Variants in BCAS3 observed in about 807,000 individuals in gnomAD.
BCAS3 encodes BCAS3 microtubule associated cell migration factor.
BCAS3 carries 53 observed loss-of-function variants against 116.1 expected under a neutral mutation model. That is an observed-to-expected ratio of 0.46 (90% confidence interval 0.37 to 0.57). The LOEUF (loss-of-function observed/expected upper bound fraction) is 0.57, where lower values mean the gene tolerates loss of function less well. Ranked by LOEUF, BCAS3 falls within the 20% of genes least tolerant of loss-of-function variation. The probability of loss-of-function intolerance (pLI) is 0.00; values close to 1 mark genes in which losing one functional copy is unlikely to be tolerated. For missense variants in BCAS3, 917 were observed against 1,165.4 expected, an observed-to-expected ratio of 0.79 and a Z score of 3.10; for synonymous variants, 391 against 408.2, an observed-to-expected ratio of 0.96 and a Z score of 0.51.
chr17:61,049,725 CTTTTCTTTTT>C (rs1416820005), intron 19 of BCAS3, among the ~76,000 whole-genome samples: 3 of 139,468 alleles, frequency 2.2e-5, no homozygotes, highest in Non-Finnish European at 3.1e-5. Context: ...CTTTTCTTTT[CTTTTCTTTTT>C]TTTTTTTTTT....
intron 22 of BCAS3, among the ~76,000 whole-genome samples, chr17:61,345,558 C>T (rs764165282): frequency 2.6e-5 from 4 of 152,032 alleles, no homozygotes; most frequent in African/African-American, 4.8e-5. Context: ...GAGCAGGGAG[C>T]GCCTAGCTGT....
At chr17:61,148,580 A>G (rs1177797159) in intron 22 of BCAS3, among the ~76,000 whole-genome samples, 1 of 152,106 alleles carries the variant, frequency 6.6e-6, no homozygotes. Flanking sequence ...ATTTTTATGG[A>G]TATTTCCTGA....
chr17:60,686,537 T>C (rs1034264928), intron 3 of BCAS3, among the ~76,000 whole-genome samples: 2 of 152,122 alleles, frequency 1.3e-5, no homozygotes, highest in East Asian at 1.9e-4. Flanking sequence ...TTAATTTTTT[T>C]TTTTTGAGAT....
chr17:61,234,589 G>A (rs997918671), intron 22 of BCAS3, among the ~76,000 whole-genome samples: 21 of 152,020 alleles, frequency 1.4e-4, no homozygotes, highest in African/African-American at 5.1e-4. Context: ...AGCAATTCAG[G>A]AGCTGCTAGA....
At position 60,827,347 on chromosome 17, in the gene BCAS3, T is replaced by C. The variant is rs566503474; in HGVS notation, c.476+19271T>C. 2.4e-4 allele frequency among the ~76,000 whole-genome samples: 36 copies of C among 152,344 alleles called. No individual in the cohort carries two copies. The South Asian group carries it at 7.5e-3, about 32-fold the overall frequency. ...CCAGGAATTTCTTTTCATTTATATT[T>C]ATATACTTTCTTTGAGTGGGAGTTT... On this transcript the variant is annotated intron_variant, in intron 7 of 23. Transcript: ENST00000407086.
At chr17:60,874,603 C>T (rs1223650641) in intron 8 of BCAS3, 59 bp from the exon 9 acceptor site, 3 of 1,232,136 alleles carry the variant, frequency 2.4e-6, no homozygotes, top group Non-Finnish European at 3.5e-6. Flanking sequence ...TCTGATTCCA[C>T]TTACAGAATT....
In BCAS3 at chr17:61,206,054, C is replaced by T. The variant is rs930261853; in HGVS notation, c.2425+121490C>T. ...ACTCCTCACTTCTGGTTTTCTTTTA[C>T]GTCTGTAGGTTTTTTTCATTTATAT... On this transcript the variant is annotated intron_variant, in intron 22 of 23. Transcript: ENST00000407086. Among the ~76,000 whole-genome samples the T allele has an allele frequency of 5.9e-5, 9 of 152,142 alleles. 1 individual carries two copies. In the South Asian group the frequency reaches 1.0e-3, roughly 17 times the overall value.
intron 22 of BCAS3, among the ~76,000 whole-genome samples, chr17:61,099,055 C>T (rs755294841): frequency 3.3e-5 from 5 of 151,986 alleles, no homozygotes; most frequent in Admixed American, 2.0e-4. Flanking sequence ...ACCTGGGAGG[C>T]GGAGCTCACA....
At chr17:61,264,479 G>T (rs1263980855) in intron 22 of BCAS3, among the ~76,000 whole-genome samples, 1 of 151,300 alleles carries the variant, frequency 6.6e-6, no homozygotes, top group Non-Finnish European at 1.5e-5. Context: ...CATGATATTG[G>T]CTAACTGCAA....
intron 22 of BCAS3, among the ~76,000 whole-genome samples, chr17:61,240,029 C>T (rs2047371174): frequency 6.6e-6 from 1 of 152,158 alleles, no homozygotes; most frequent in Non-Finnish European, 1.5e-5. Context: ...TGGGCATTTA[C>T]ATTCTCCTGG....
chr17:61,160,138 A>C (rs2159373), intron 22 of BCAS3, among the ~76,000 whole-genome samples: 1 of 150,898 alleles, frequency 6.6e-6, no homozygotes. Flanking sequence ...CTACAAGGAA[A>C]TGCCATTCAC....
chr17:61,279,745 T>TCCCTC lies in BCAS3; in HGVS notation c.2426-88582_2426-88581insCCCTC, dbSNP rs2051075746. ...GGGCTAAGCCACTGGGCCTCCATGG[T>TCCCTC]GAGGTGGCACTGGTCCCTCTGCTTG... is the stretch of plus-strand genomic sequence containing the variant. On this transcript the variant is annotated intron_variant, in intron 22 of 23. Transcript: ENST00000407086. This position sits in a 1 kb window ranked among gnomAD's most constrained non-coding sequence, Gnocchi z 4.4. Among the ~76,000 whole-genome samples the TCCCTC allele has an allele frequency of 6.6e-6, 1 of 150,550 alleles. No individual in the cohort carries two copies. The highest frequency in any genetic ancestry group is 1.5e-5 in the Non-Finnish European group (1 of 67,762).
intron 22 of BCAS3, among the ~76,000 whole-genome samples, chr17:61,129,420 C>A (rs2076215019): frequency 6.6e-6 from 1 of 152,194 alleles, no homozygotes; most frequent in African/African-American, 2.4e-5. Flanking sequence ...GAAGAGCTGT[C>A]TTCTAAGGAA....
intron 12 of BCAS3, among the ~76,000 whole-genome samples, chr17:60,916,062 G>C (rs772629375): frequency 1.1e-4 from 16 of 152,144 alleles, no homozygotes; most frequent in Non-Finnish European, 2.2e-4. Flanking sequence ...CCCCTTGAAG[G>C]ACATTTGCAC....
At chr17:60,840,921 A>ACTCTCCCTATT in intron 7 of BCAS3, among the ~76,000 whole-genome samples, 1 of 151,746 alleles carries the variant, frequency 6.6e-6, no homozygotes, top group South Asian at 2.1e-4. Context: ...CATTTCAAAA[A>ACTCTCCCTATT]CTCTCCCTAT....
intron 6 of BCAS3, among the ~76,000 whole-genome samples, chr17:60,788,560 G>A (rs1423452073): frequency 6.6e-6 from 1 of 152,160 alleles, no homozygotes; most frequent in African/African-American, 2.4e-5. Flanking sequence ...AGATATTTGA[G>A]GGAAATGGCA....
At chr17:60,737,621 A>G (rs1298990839) in intron 5 of BCAS3, among the ~76,000 whole-genome samples, 1 of 152,046 alleles carries the variant, frequency 6.6e-6, no homozygotes, top group Admixed American at 6.5e-5. Flanking sequence ...AAACATGTTT[A>G]AACATTTCTC....
intron 22 of BCAS3, among the ~76,000 whole-genome samples, chr17:61,152,765 C>T (rs1387217954): frequency 2.0e-5 from 3 of 151,912 alleles, no homozygotes; most frequent in East Asian, 1.9e-4. Context: ...ATTCTCCTTC[C>T]TCAAAGGACC....
At position 61,131,484 on chromosome 17, in the gene BCAS3, G is replaced by A. The variant is rs1287804701; in HGVS notation, c.2425+46920G>A. On this transcript the variant is annotated intron_variant, in intron 22 of 23. Coordinates refer to ENST00000407086, the MANE Select transcript of BCAS3 (RefSeq NM_017679.5). This position sits in a 1 kb window ranked among gnomAD's most constrained non-coding sequence, Gnocchi z 4.4. The stretch of plus-strand genomic sequence containing the variant: ...AATAAATTCATAATATATTTTATAC[G>A]CTTAAAATGAAATTATATTCCAAAC... Among the ~76,000 whole-genome samples the A allele has an allele frequency of 2.6e-5, 4 of 152,106 alleles. No individual in the cohort carries two copies. Among genetic ancestry groups the A allele is most frequent in the South Asian group, 2.1e-4 (1 of 4,826 alleles).
Sources: allele counts gnomAD v4.1 joint callset (sites outside exome capture counted in the v4.1 genomes callset), GRCh38; gene constraint gnomAD v4.1.1; non-coding constraint Gnocchi (gnomAD v3.1); transcripts MANE v1.5; gene names NCBI Gene and HGNC (gene_info 2026-07-23, HGNC 2026-07-21).